Variants in MMP16 observed in about 807,000 individuals in gnomAD.
MMP16 encodes the protein matrix metallopeptidase 16.
MMP16 carries 12 observed loss-of-function variants against 67.8 expected under a neutral mutation model. The ratio of observed to expected loss-of-function variants is 0.18; its 90% confidence interval spans 0.11 to 0.29. The LOEUF is 0.29. MMP16 is among the 10% of genes least tolerant of loss of function. MMP16 has a pLI of 1.00. For missense variants in MMP16, 475 were observed against 765.7 expected (o/e 0.62, Z 4.48); for synonymous variants, 249 against 255.9 (o/e 0.97, Z 0.26).
At chr8:88,283,126 T>G (rs1810767415) in intron 1 of MMP16, among the ~76,000 whole-genome samples, 1 of 152,240 alleles carries the variant, frequency 6.6e-6, no homozygotes, top group Non-Finnish European at 1.5e-5. Flanking sequence ...AGGCATTTAT[T>G]AAATGAGCAT....
At chr8:88,311,449 T>C (rs1479928832) in intron 1 of MMP16, among the ~76,000 whole-genome samples, 1 of 152,154 alleles carries the variant, frequency 6.6e-6, no homozygotes, top group African/African-American at 2.4e-5. Flanking sequence ...ACATCAGAAG[T>C]GTGAATGCAT....
chr8:88,268,093 A>G (rs1291849419), intron 1 of MMP16, among the ~76,000 whole-genome samples: 2 of 152,220 alleles, frequency 1.3e-5, no homozygotes, highest in Non-Finnish European at 2.9e-5. Context: ...CTGTAATCCC[A>G]GCATTTTGGG....
intron 2 of MMP16, among the ~76,000 whole-genome samples, chr8:88,187,341 T>C (rs1809090882): frequency 6.6e-6 from 1 of 152,190 alleles, no homozygotes; most frequent in South Asian, 2.1e-4. Flanking sequence ...ATTTCTCTTC[T>C]AGAGAGTCTC....
At chr8:88,117,094 A>C (rs1345894635) in intron 5 of MMP16, among the ~76,000 whole-genome samples, 1 of 152,152 alleles carries the variant, frequency 6.6e-6, no homozygotes, top group Non-Finnish European at 1.5e-5. Context: ...AGTAAGCTCC[A>C]ACAAAGTTAA....
Position 88,074,633 on chromosome 8 carries a change from A to G in MMP16, c.1194T>C (p.Asn398=), listed in dbSNP as rs374996158. 3 of 1,613,358 alleles carry G rather than the reference A, an allele frequency of 1.9e-6. No homozygotes were observed. The highest frequency in any genetic ancestry group is 2.5e-6 in the Non-Finnish European group (3 of 1,179,682). The stretch of plus-strand genomic sequence containing the variant: ...TAAAGAACACAAAATTCCCGTCGCT[A>G]TTTTCATAAACTGCATCGATACTAG... ...LPPSIDAVYE[N]SDGNFVFFKG... Residue 398 remains asparagine (N), a synonymous_variant, in exon 7 of 10, where the codon AAT becomes AAC. Coordinates refer to ENST00000286614, the MANE Select transcript of MMP16 (RefSeq NM_005941.5).
At chr8:88,252,242 C>T (rs1331224968) in intron 1 of MMP16, among the ~76,000 whole-genome samples, 2 of 152,018 alleles carry the variant, frequency 1.3e-5, no homozygotes, top group Non-Finnish European at 2.9e-5. Flanking sequence ...TTGGAACCAA[C>T]CCAAATGTCC....
At chr8:88,177,075 A>G (rs1354566904) in intron 3 of MMP16, among the ~76,000 whole-genome samples, 5 of 152,048 alleles carry the variant, frequency 3.3e-5, no homozygotes, top group African/African-American at 1.2e-4. Context: ...AAAATTCATA[A>G]TTTTCTCCAT....
chr8:88,248,252 A>G (rs1810151500), intron 1 of MMP16, among the ~76,000 whole-genome samples: 1 of 152,130 alleles, frequency 6.6e-6, no homozygotes, highest in Non-Finnish European at 1.5e-5. Context: ...AGCATATTGA[A>G]TATCATCAAA....
rs1365112979 is a variant in MMP16, at chr8:88,272,551, CTA to C, written c.132+54522_132+54523del. Among the ~76,000 whole-genome samples, 4 of 152,106 alleles carry C rather than the reference CTA, an allele frequency of 2.6e-5. No individual in the cohort carries two copies. The East Asian group carries it at 7.7e-4, about 29-fold the overall frequency. On this transcript the variant is annotated intron_variant, in intron 1 of 9. Transcript: ENST00000286614. ...ACAAAAAAGTGAAACTAAGAACGCA[CTA>C]TAGTTATCTTTAAATACAGACAATT...
intron 7 of MMP16, among the ~76,000 whole-genome samples, chr8:88,071,750 G>C (rs1477326297): frequency 6.6e-6 from 1 of 152,038 alleles, no homozygotes; most frequent in Non-Finnish European, 1.5e-5. Context: ...TATTGTTTAA[G>C]ACAACAAACT....
intron 3 of MMP16, among the ~76,000 whole-genome samples, chr8:88,186,093 A>G (rs1436844944): frequency 6.6e-6 from 1 of 152,232 alleles, no homozygotes; most frequent in Non-Finnish European, 1.5e-5. Context: ...GACTGATATT[A>G]AACACTGATT....
In MMP16 at chr8:88,039,070, G is replaced by A. The variant is rs991981596; in HGVS notation, c.*2391C>T. 2 of 152,404 alleles carry A rather than the reference G, an allele frequency of 1.3e-5. No homozygotes were observed. The highest frequency in any genetic ancestry group is 2.4e-5 in the African/African-American group (1 of 41,390). 9.4% of individuals were successfully genotyped at this position (152,404 alleles called of 1,614,324 possible). A position where few individuals can be genotyped will look rare whatever the true frequency, so the allele number is the denominator to read the frequency against. On this transcript the variant is annotated 3_prime_UTR_variant, in exon 10 of 10. Coordinates refer to ENST00000286614, the MANE Select transcript of MMP16 (RefSeq NM_005941.5). This position sits in a 1 kb window ranked among gnomAD's most constrained non-coding sequence, Gnocchi z 4.5. ...AAAGGCATTCTAATTTTCATGCTAC[G>A]TTGAGTATAAATATAAATTCAAGGC...
At chr8:88,069,463 A>C in intron 7 of MMP16, 1 of 531,846 alleles carries the variant, frequency 1.9e-6, no homozygotes. Context: ...TCTAGAATCC[A>C]TTTCCAATGG....
At chr8:88,201,683 T>C (rs1179832905) in intron 1 of MMP16, among the ~76,000 whole-genome samples, 1 of 152,142 alleles carries the variant, frequency 6.6e-6, no homozygotes, top group Non-Finnish European at 1.5e-5. Context: ...GAATGCATTT[T>C]AACAGATAAC....
chr8:88,034,759 T>G lies in MMP16; in HGVS notation c.*6702A>C, dbSNP rs1216294953. On this transcript the variant is annotated 3_prime_UTR_variant, in exon 10 of 10. Transcript: ENST00000286614. ...GCATTATGTAACGGCAAATGAAACA[T>G]GCATCCTAGTGACTTTTCAAATAGA... 1 of 152,010 alleles carries G rather than the reference T, an allele frequency of 6.6e-6. No individual in the cohort carries two copies. Among genetic ancestry groups the G allele is most frequent in the African/African-American group, 2.4e-5 (1 of 41,422 alleles). The allele number at this position is 152,010 out of a possible 1,614,324, so 9.4% of individuals were successfully genotyped here.
At chr8:88,281,745 G>C (rs1810741030) in intron 1 of MMP16, among the ~76,000 whole-genome samples, 1 of 152,156 alleles carries the variant, frequency 6.6e-6, no homozygotes. Context: ...TGGACAACCA[G>C]TGCTTTCCCC....
chr8:88,133,711 CA>C (rs1169679373), intron 4 of MMP16, among the ~76,000 whole-genome samples: 3 of 151,644 alleles, frequency 2.0e-5, no homozygotes, highest in African/African-American at 7.3e-5. Flanking sequence ...GAATTAAATA[CA>C]ACACTTAGAA....
intron 3 of MMP16, among the ~76,000 whole-genome samples, chr8:88,182,458 A>C (rs1246624127): frequency 6.6e-6 from 1 of 152,124 alleles, no homozygotes; most frequent in Non-Finnish European, 1.5e-5. Context: ...AATAAACATA[A>C]TTGATTTACA....
At chr8:88,089,797 A>G (rs552949146) in intron 6 of MMP16, among the ~76,000 whole-genome samples, 1 of 152,094 alleles carries the variant, frequency 6.6e-6, no homozygotes, top group African/African-American at 2.4e-5. Flanking sequence ...ATGTTAAATA[A>G]TAAAACACAC....
Sources: allele counts gnomAD v4.1 joint callset (sites outside exome capture counted in the v4.1 genomes callset), GRCh38; gene constraint gnomAD v4.1.1; non-coding constraint Gnocchi (gnomAD v3.1); transcripts MANE v1.5; gene names NCBI Gene and HGNC (gene_info 2026-07-23, HGNC 2026-07-21).